Variants in RABGAP1 observed in about 807,000 individuals in gnomAD.
RABGAP1 encodes rab GTPase-activating protein 1.
In RABGAP1, 23 loss-of-function variants were observed where a neutral mutation model predicts 137.6. That is an observed-to-expected ratio of 0.17 (90% CI 0.12 to 0.24). The LOEUF is 0.24. RABGAP1 is among the 10% of genes least tolerant of loss of function. The pLI is 1.00. For synonymous variants in RABGAP1, 451 were observed against 450.7 expected (o/e 1.00, Z -0.01); for missense variants, 906 against 1,275.8 (o/e 0.71, Z 4.42).
At chr9:122,995,924 T>A in intron 6 of RABGAP1, 117 bp from the exon 7 acceptor site, 1 of 1,455,926 alleles carries the variant, frequency 6.9e-7, no homozygotes, top group East Asian at 2.5e-5. Context: ...TTTTTGTTAT[T>A]ATTTGCAAAC....
intron 13 of RABGAP1, among the ~76,000 whole-genome samples, chr9:123,021,471 G>A (rs1329877437): frequency 2.0e-5 from 3 of 151,802 alleles, no homozygotes; most frequent in Non-Finnish European, 4.4e-5. Flanking sequence ...TTACAGGTGC[G>A]CACCACCATG....
At chr9:123,006,079 T>G (rs1044295924) in intron 10 of RABGAP1, among the ~76,000 whole-genome samples, 2 of 152,244 alleles carry the variant, frequency 1.3e-5, no homozygotes, top group Non-Finnish European at 2.9e-5. Flanking sequence ...AGAACCTCTT[T>G]GTATATTCAA....
rs1214930314 is a variant in RABGAP1, at chr9:123,103,333, G to T, written c.*120G>T. 6.9e-7 allele frequency: 1 copy of T among 1,452,698 alleles called. No individual in the cohort carries two copies. The highest frequency in any genetic ancestry group is 1.4e-5 in the African/African-American group (1 of 70,836). The allele number at this position is 1,452,698 out of a possible 1,614,324, so 90.0% of individuals were successfully genotyped here. ...AGAATGTACCTAAGTCAGATCCATA[G>T]ACGCATGTTGGTAGGTCACTGGACC... is the stretch of plus-strand genomic sequence containing the variant. On this transcript the variant is annotated 3_prime_UTR_variant, in exon 26 of 26. Transcript: ENST00000373647.
intron 13 of RABGAP1, among the ~76,000 whole-genome samples, chr9:123,047,379 A>G (rs1313800601): frequency 3.9e-5 from 6 of 152,306 alleles, no homozygotes; most frequent in African/African-American, 1.4e-4. Flanking sequence ...GTTGTCTAGT[A>G]ACTTTTAAAG....
intron 4 of RABGAP1, among the ~76,000 whole-genome samples, chr9:122,987,010 AC>A (rs1240112528): frequency 6.6e-6 from 1 of 151,940 alleles, no homozygotes; most frequent in Non-Finnish European, 1.5e-5. Flanking sequence ...GGTCATACAC[AC>A]CTATAGTCCC....
chr9:122,983,963 A>C (rs146671212), intron 2 of RABGAP1, among the ~76,000 whole-genome samples: 173 of 152,336 alleles, frequency 1.1e-3, no homozygotes, highest in Non-Finnish European at 1.9e-3. Context: ...GAACTTTCAG[A>C]ACCTGTTCAT....
intron 2 of RABGAP1, 21 bp from the exon 3 acceptor site, chr9:122,984,464 G>C: frequency 6.3e-7 from 1 of 1,598,166 alleles, no homozygotes; most frequent in South Asian, 1.1e-5. Flanking sequence ...TTTGCTGATT[G>C]CATGTATTTG....
chr9:122,933,341 A>G, the RABGAP1 span, among the ~76,000 whole-genome samples: 1 of 151,920 alleles, frequency 6.6e-6, no homozygotes, highest in Admixed American at 6.5e-5. Flanking sequence ...TTTGTCTCTT[A>G]TAACCTTTTC....
chr9:122,945,279 A>G (rs1833889138), intron 1 of RABGAP1: 1 of 151,578 alleles, frequency 6.6e-6, no homozygotes, highest in African/African-American at 2.4e-5. Flanking sequence ...GTTTAAGCTT[A>G]CATTGTAACC....
intron 13 of RABGAP1, among the ~76,000 whole-genome samples, chr9:123,059,955 G>T (rs1011574424): frequency 6.6e-6 from 1 of 152,162 alleles, no homozygotes; most frequent in Admixed American, 6.5e-5. Context: ...TCTGCCTTTG[G>T]GTGATGCACT....
chr9:123,002,144 A>C (rs989602369), intron 10 of RABGAP1, among the ~76,000 whole-genome samples: 3 of 152,088 alleles, frequency 2.0e-5, no homozygotes, highest in Non-Finnish European at 4.4e-5. Context: ...TCTACTAAAA[A>C]TACAAAATTA....
At chr9:123,102,187 G>A (rs956335904) in intron 25 of RABGAP1, among the ~76,000 whole-genome samples, 108 of 152,286 alleles carry the variant, frequency 7.1e-4, no homozygotes, top group African/African-American at 2.5e-3. Context: ...GCAGAATGTC[G>A]GGGGCTTTAT....
chr9:123,077,235 G>C (rs917696506), intron 19 of RABGAP1, among the ~76,000 whole-genome samples: 1 of 151,192 alleles, frequency 6.6e-6, no homozygotes, highest in Non-Finnish European at 1.5e-5. Flanking sequence ...TTGCAGCCTG[G>C]ACCTCCCAGG....
At chr9:123,084,700 C>T (rs958494651) in intron 19 of RABGAP1, among the ~76,000 whole-genome samples, 8 of 152,162 alleles carry the variant, frequency 5.3e-5, no homozygotes, top group African/African-American at 9.7e-5. Flanking sequence ...CAGGTAATAA[C>T]GACAAATAGT....
chr9:122,978,868 TTA>T (rs753721188), intron 2 of RABGAP1, among the ~76,000 whole-genome samples: 76 of 149,080 alleles, frequency 5.1e-4, no homozygotes, highest in Non-Finnish European at 1.0e-3. Flanking sequence ...GTTTTGAATT[TTA>T]GTCATTCATT....
At chr9:123,019,537 A>T (rs1034778706) in intron 12 of RABGAP1, among the ~76,000 whole-genome samples, 1 of 151,918 alleles carries the variant, frequency 6.6e-6, no homozygotes, top group African/African-American at 2.4e-5. Flanking sequence ...CTGGTCCAGA[A>T]CTCCTGGGTT....
intron 6 of RABGAP1, among the ~76,000 whole-genome samples, chr9:122,994,754 G>A (rs1268154643): frequency 6.6e-6 from 1 of 152,180 alleles, no homozygotes; most frequent in African/African-American, 2.4e-5. Flanking sequence ...GCCATGGACA[G>A]ATGTTTACCT....
intron 13 of RABGAP1, chr9:123,034,595 G>A: frequency 1.2e-6 from 2 of 1,610,312 alleles, no homozygotes; most frequent in East Asian, 2.2e-5. Context: ...GGTAATCAGA[G>A]CAGCCACCCT....
intron 13 of RABGAP1, chr9:123,029,582 A>C (rs911846393): frequency 4.0e-6 from 3 of 751,310 alleles, no homozygotes; most frequent in Non-Finnish European, 7.5e-6. Flanking sequence ...TTCCTTACAG[A>C]GTTTGTCATA....
Sources: gnomAD v4.1 joint callset for allele counts (sites outside exome capture counted in the v4.1 genomes callset) on GRCh38, gnomAD v4.1.1 for gene constraint, MANE v1.5 for transcripts, NCBI Gene and HGNC (gene_info 2026-07-23, HGNC 2026-07-21) for gene names.